The following ANGPT1 variants were observed in gnomAD, a reference collection of about 807,000 sequenced individuals.
ANGPT1 encodes angiopoietin-1.
A neutral mutation model predicts 62.2 loss-of-function variants in ANGPT1; 17 were observed. The ratio of observed to expected loss-of-function variants is 0.27; its 90% CI spans 0.19 to 0.41. The LOEUF is 0.41. Among genes scored for constraint, ANGPT1 ranks in the 10% least tolerant of loss-of-function variants. The pLI is 1.00. For synonymous variants in ANGPT1, 199 were observed against 198.9 expected, an observed-to-expected ratio of 1.00 and a Z score of 0.00; for missense variants, 478 against 594.9, an observed-to-expected ratio of 0.80 and a Z score of 2.04.
At position 107,481,685 on chromosome 8, in the gene ANGPT1, G is replaced by C. The variant is rs189529100; in HGVS notation, c.297+15577C>G. 6.0e-4 allele frequency among the ~76,000 whole-genome samples: 91 copies of C among 152,204 alleles called. No individual in the cohort carries two copies. The Middle Eastern group carries it at 0.01, about 17-fold the overall frequency. On this transcript the variant is annotated intron_variant, in intron 1 of 8. Coordinates refer to ENST00000517746, the MANE Select transcript of ANGPT1 (RefSeq NM_001146.5). ...ACTGACCCGCAGTTCCCAGTGTCTG[G>C]GGGGAGGCCTCAGGAAACTTACAAT... is the stretch of plus-strand genomic sequence containing the variant.
intron 1 of ANGPT1, among the ~76,000 whole-genome samples, chr8:107,452,478 T>G (rs1279593967): frequency 1.3e-5 from 2 of 151,540 alleles, no homozygotes; most frequent in African/African-American, 4.8e-5. Context: ...CCACTTTTAT[T>G]TCTTTATTTT....
intron 2 of ANGPT1, among the ~76,000 whole-genome samples, chr8:107,346,068 G>T (rs912032186): frequency 2.4e-4 from 37 of 152,130 alleles, no homozygotes; most frequent in African/African-American, 8.7e-4. Flanking sequence ...GTGTGCACGG[G>T]AAGTTATGTT....
intron 1 of ANGPT1, among the ~76,000 whole-genome samples, chr8:107,446,430 G>A (rs969566542): frequency 1.3e-5 from 2 of 152,194 alleles, no homozygotes; most frequent in Non-Finnish European, 2.9e-5. Context: ...ACAGTAAGCA[G>A]CATATGATAA....
At chr8:107,296,857 C>G (rs1427366584) in intron 5 of ANGPT1, among the ~76,000 whole-genome samples, 5 of 152,044 alleles carry the variant, frequency 3.3e-5, no homozygotes, top group African/African-American at 1.2e-4. Flanking sequence ...AAAAGAATCA[C>G]TACATTTATA....
intron 2 of ANGPT1, among the ~76,000 whole-genome samples, chr8:107,338,295 T>C (rs1815617921): frequency 6.6e-6 from 1 of 152,210 alleles, no homozygotes; most frequent in Non-Finnish European, 1.5e-5. Context: ...AATATTTTAA[T>C]GTAACATTTT....
Position 107,251,652 on chromosome 8 carries a change from G to A in ANGPT1, c.*203C>T. The A allele has an allele frequency of 5.1e-6, 3 of 585,758 alleles. No individual in the cohort carries two copies. The highest frequency in any genetic ancestry group is 5.8e-6 in the Non-Finnish European group (2 of 343,140). The allele number at this position is 585,758 out of a possible 1,614,324, so 36.3% of individuals were successfully genotyped here. The stretch of plus-strand genomic sequence containing the variant: ...AGTTTTCTATAGTCGAGCCACGTGA[G>A]CACTGTCACCCCAAGTAGAGACTCT... On this transcript the variant is annotated 3_prime_UTR_variant, in exon 9 of 9. Transcript: ENST00000517746.
intron 1 of ANGPT1, among the ~76,000 whole-genome samples, chr8:107,385,776 T>C (rs1816720616): frequency 1.3e-5 from 2 of 152,082 alleles, no homozygotes; most frequent in Admixed American, 6.6e-5. Context: ...TTGTCATAGA[T>C]GGCTTTTAAT....
At chr8:107,432,145 A>T (rs956189554) in intron 1 of ANGPT1, among the ~76,000 whole-genome samples, 6 of 134,732 alleles carry the variant, frequency 4.5e-5, no homozygotes, top group Non-Finnish European at 8.9e-5. Flanking sequence ...TGCAATTATA[A>T]AAAAAAAAAA....
chr8:107,274,000 A>G (rs1168122440), intron 7 of ANGPT1, among the ~76,000 whole-genome samples: 2 of 152,002 alleles, frequency 1.3e-5, no homozygotes, highest in African/African-American at 4.8e-5. Context: ...GACATGCTAA[A>G]TCACTTCAGC....
At chr8:107,307,234 A>G (rs1477899068) in intron 4 of ANGPT1, among the ~76,000 whole-genome samples, 1 of 152,038 alleles carries the variant, frequency 6.6e-6, no homozygotes, top group Admixed American at 6.6e-5. Context: ...TCCCAGAGTC[A>G]GGAATTTAAT....
intron 4 of ANGPT1, among the ~76,000 whole-genome samples, chr8:107,317,633 T>A (rs1281131619): frequency 2.3e-5 from 2 of 85,786 alleles, no homozygotes; most frequent in Non-Finnish European, 4.6e-5. Context: ...TTTTTATTTT[T>A]ATTTTTTTTT....
chr8:107,436,598 A>T (rs1811342337), intron 1 of ANGPT1, among the ~76,000 whole-genome samples: 1 of 152,132 alleles, frequency 6.6e-6, no homozygotes, highest in Non-Finnish European at 1.5e-5. Context: ...TCCTCCTGGG[A>T]ATTTGAAGTT....
At chr8:107,355,564 C>G (rs1816026294) in intron 1 of ANGPT1, among the ~76,000 whole-genome samples, 1 of 141,592 alleles carries the variant, frequency 7.1e-6, no homozygotes, top group African/African-American at 2.6e-5. Flanking sequence ...ATGCTCCAGA[C>G]ATACCAAATG....
rs528857642 is a variant in ANGPT1 at position 107,303,273 on chromosome 8, A to T, written c.903T>A (p.Thr301=). Reference sequence around the variant, plus strand: ...GTTCTGGCATATTATTAATATAAATAGTGTAGATTCCACTTTTATTAAAAC... The same window carrying T: ...GTTCTGGCATATTATTAATATAAATTGTGTAGATTCCACTTTTATTAAAAC... The part of the protein sequence containing the change: ...QAGFNKSGIY[T]IYINNMPEPK... The change falls in exon 5 of 9, where the codon ACT becomes ACA. Residue 301 remains threonine, a synonymous_variant. Transcript: ENST00000517746. 6.2e-7 allele frequency: 1 copy of T among 1,607,810 alleles called. No homozygotes were observed. Among genetic ancestry groups the T allele is most frequent in the South Asian group, 1.1e-5 (1 of 90,828 alleles).
At chr8:107,364,119 T>C (rs908913381) in intron 1 of ANGPT1, among the ~76,000 whole-genome samples, 3 of 152,162 alleles carry the variant, frequency 2.0e-5, no homozygotes, top group Admixed American at 2.0e-4. Flanking sequence ...ATTTACTATA[T>C]ATATTTACTA....
At chr8:107,269,325 A>G (rs893454927) in intron 7 of ANGPT1, among the ~76,000 whole-genome samples, 1 of 151,894 alleles carries the variant, frequency 6.6e-6, no homozygotes, top group Non-Finnish European at 1.5e-5. Context: ...AAAAAAAAAA[A>G]CTTCTTTGAG....
At chr8:107,341,334 C>T (rs1449450417) in intron 2 of ANGPT1, among the ~76,000 whole-genome samples, 1 of 151,894 alleles carries the variant, frequency 6.6e-6, no homozygotes, top group East Asian at 1.9e-4. Context: ...CAGACAAATG[C>T]AGAACGTGAA....
chr8:107,413,610 T>C (rs1453478307), intron 1 of ANGPT1, among the ~76,000 whole-genome samples: 1 of 150,136 alleles, frequency 6.7e-6, no homozygotes, highest in African/African-American at 2.4e-5. Context: ...TATGCATTAA[T>C]TTAATGAATT....
At chr8:107,370,176 G>GAAAGAAAGA (rs1291848259) in intron 1 of ANGPT1, among the ~76,000 whole-genome samples, 1,892 of 86,004 alleles carry the variant, frequency 0.022, 71 homozygotes, top group Non-Finnish European at 0.029. Flanking sequence ...AAGAGAGAAA[G>GAAAGAAAGA]AAGAAAGAAA....
Sources: gnomAD v4.1 joint callset for allele counts (sites outside exome capture counted in the v4.1 genomes callset) on GRCh38, gnomAD v4.1.1 for gene constraint, MANE v1.5 for transcripts, NCBI Gene and HGNC (gene_info 2026-07-23, HGNC 2026-07-21) for gene names.